The following U2SURP variants were observed in gnomAD, a reference collection of about 807,000 sequenced individuals.
U2SURP encodes U2 snRNP associated SURP domain containing, also known as U2 snRNP-associated SURP motif-containing protein.
U2SURP carries 9 observed loss-of-function variants against 144.9 expected under a neutral mutation model. The ratio of observed to expected loss-of-function variants is 0.06; its 90% CI spans 0.04 to 0.11. The LOEUF is 0.11. Ranked by LOEUF, U2SURP falls within the 10% of genes least tolerant of loss-of-function variation. U2SURP has a pLI of 1.00. For missense variants in U2SURP, 724 were observed against 1,226.7 expected, an observed-to-expected ratio of 0.59 and a Z score of 6.12; for synonymous variants, 408 against 396.8, an observed-to-expected ratio of 1.03 and a Z score of -0.33.
chr3:143,013,981 C>T (rs555348931), intron 3 of U2SURP, among the ~76,000 whole-genome samples: 1 of 152,054 alleles, frequency 6.6e-6, no homozygotes, highest in Non-Finnish European at 1.5e-5. Flanking sequence ...AACTTTTCCC[C>T]AGAAACATCT....
intron 24 of U2SURP, among the ~76,000 whole-genome samples, chr3:143,049,234 C>T (rs1425631711): frequency 6.9e-6 from 1 of 145,306 alleles, no homozygotes; most frequent in African/African-American, 2.6e-5. Flanking sequence ...CCACTGCACT[C>T]CAGTCTGGGC....
At chr3:143,028,693 A>G (rs1473510257) in intron 16 of U2SURP, 47 bp downstream of exon 16, 12 of 1,506,606 alleles carry the variant, frequency 8.0e-6, no homozygotes, top group Non-Finnish European at 9.8e-6. Context: ...AGTAACTGTA[A>G]TGGTTGCTTT....
chr3:143,046,042 T>C (rs1560202181), intron 24 of U2SURP, among the ~76,000 whole-genome samples: 1 of 152,156 alleles, frequency 6.6e-6, no homozygotes, highest in Admixed American at 6.5e-5. Flanking sequence ...AAATTAAGAA[T>C]AAAGTTCTAA....
chr3:143,039,176 A>G (rs1262869674), intron 23 of U2SURP, among the ~76,000 whole-genome samples: 1 of 151,806 alleles, frequency 6.6e-6, no homozygotes, highest in Non-Finnish European at 1.5e-5. Context: ...TGAGTTTTTT[A>G]CGCTAGGTTA....
chr3:143,057,867 T>G lies in U2SURP; in HGVS notation c.*1417T>G, dbSNP rs549272574. On this transcript the variant is annotated 3_prime_UTR_variant, in exon 28 of 28. Coordinates refer to ENST00000473835, the MANE Select transcript of U2SURP (RefSeq NM_001080415.2). ...AGATGTGCACCCATGGTTTGGAGAGTTCCTATATTAGCTGAGCAGTGAGAT... is the reference window on the plus strand; with the variant it reads ...AGATGTGCACCCATGGTTTGGAGAGGTCCTATATTAGCTGAGCAGTGAGAT... 6.6e-6 allele frequency: 1 copy of G among 152,400 alleles called. No individual in the cohort carries two copies. The highest frequency in any genetic ancestry group is 1.9e-4 in the East Asian group (1 of 5,188). 9.4% of individuals were successfully genotyped at this position (152,400 alleles called of 1,614,324 possible).
chr3:143,045,884 G>A (rs1378381240), intron 24 of U2SURP, among the ~76,000 whole-genome samples: 1 of 152,194 alleles, frequency 6.6e-6, no homozygotes, highest in African/African-American at 2.4e-5. Context: ...ATGGAATAAA[G>A]TTCCACAACA....
intron 4 of U2SURP, 118 bp downstream of exon 4, chr3:143,014,527 G>A (rs774709225): frequency 8.0e-5 from 46 of 574,748 alleles, no homozygotes; most frequent in Non-Finnish European, 1.3e-4. Context: ...TCTCAGGTCC[G>A]CCTCTGAGTC....
intron 8 of U2SURP, among the ~76,000 whole-genome samples, chr3:143,020,936 A>G (rs936894674): frequency 3.3e-5 from 5 of 152,218 alleles, no homozygotes; most frequent in African/African-American, 1.2e-4. Context: ...AGTTATGTGC[A>G]ATCCCAACAC....
intron 24 of U2SURP, among the ~76,000 whole-genome samples, chr3:143,050,007 T>G (rs1003406993): frequency 2.0e-5 from 3 of 152,144 alleles, no homozygotes; most frequent in African/African-American, 7.2e-5. Context: ...AATGCTGCAA[T>G]GAATATCTTG....
At chr3:143,014,260 T>C (rs1936255630) in intron 3 of U2SURP, 51 bp from the exon 4 acceptor site, 1 of 1,290,554 alleles carries the variant, frequency 7.7e-7, no homozygotes. Flanking sequence ...GTATTAAAGT[T>C]TTAGATAGCA....
At chr3:143,056,131 T>C (rs1010713891) in intron 27 of U2SURP, among the ~76,000 whole-genome samples, 181 bp from the exon 28 acceptor site, 1 of 152,158 alleles carries the variant, frequency 6.6e-6, no homozygotes, top group African/African-American at 2.4e-5. Context: ...CAGTGCATAG[T>C]AAGTACAAAA....
Position 143,032,848 on chromosome 3 carries a change from G to A in U2SURP, c.1675G>A (p.Ala559Thr). 6.2e-7 allele frequency: 1 copy of A among 1,613,664 alleles called. No homozygotes were observed. Among genetic ancestry groups the A allele is most frequent in the Non-Finnish European group, 8.5e-7 (1 of 1,179,682 alleles). Residue 559 changes from alanine (A) to threonine (T), a missense_variant, in exon 17 of 28, where the codon GCA becomes ACA. Physicochemically the swap from Ala to Thr is moderately conservative, Grantham distance 58 (BLOSUM62 0). Around this residue, in one of 13 missense-constraint regions of U2SURP, gnomAD observed 66 missense variants for 95.0 expected, o/e 0.69. Transcript: ENST00000473835. ...LTPRKNDIGD[A>T]MVFCLNNAEA... ...TCCAAGGAAAAATGATATTGGAGAT[G>A]CAATGGTTTTCTGTCTTAATAATGC...
intron 20 of U2SURP, among the ~76,000 whole-genome samples, chr3:143,036,432 A>T (rs1578149141): frequency 6.6e-6 from 1 of 152,240 alleles, no homozygotes; most frequent in Non-Finnish European, 1.5e-5. Context: ...AGATAGCTAT[A>T]TAAGTAAAAT....
chr3:143,027,729 G>C (rs1933238442), intron 14 of U2SURP, among the ~76,000 whole-genome samples: 1 of 152,100 alleles, frequency 6.6e-6, no homozygotes, highest in African/African-American at 2.4e-5. Context: ...ATATTTCCAA[G>C]AATAAAGTTG....
intron 13 of U2SURP, among the ~76,000 whole-genome samples, chr3:143,024,276 C>G (rs1932997559): frequency 6.6e-6 from 1 of 152,002 alleles, no homozygotes; most frequent in Admixed American, 6.6e-5. Flanking sequence ...TTTATTAGCT[C>G]TGATTTGGAG....
Position 143,048,864 on chromosome 3 carries a change from C to T in U2SURP, c.2545-2075C>T, listed in dbSNP as rs550939269. 4.6e-5 allele frequency among the ~76,000 whole-genome samples: 7 copies of T among 151,150 alleles called. No homozygotes were observed. The East Asian group carries it at 5.8e-4, about 13-fold the overall frequency. On this transcript the variant is annotated intron_variant, in intron 24 of 27. Transcript: ENST00000473835. ...GCACCTGGGTGACAGCGTGAGACACCGTCTCAAAAAATAATTAATTAAAAA... is the reference window on the plus strand; with the variant it reads ...GCACCTGGGTGACAGCGTGAGACACTGTCTCAAAAAATAATTAATTAAAAA...
chr3:143,043,376 C>A, intron 24 of U2SURP, 100 bp downstream of exon 24: 1 of 1,251,860 alleles, frequency 8.0e-7, no homozygotes, highest in Non-Finnish European at 1.1e-6. Flanking sequence ...ACATACTGTT[C>A]CTTCTCTCTG....
intron 3 of U2SURP, among the ~76,000 whole-genome samples, chr3:143,013,419 G>A (rs1169352385): frequency 3.3e-5 from 5 of 152,040 alleles, no homozygotes; most frequent in East Asian, 3.9e-4. Flanking sequence ...AAAATAGTTA[G>A]CAGCAATGTT....
chr3:143,045,657 A>G (rs1431616013), intron 24 of U2SURP, among the ~76,000 whole-genome samples: 1 of 152,232 alleles, frequency 6.6e-6, no homozygotes, highest in Non-Finnish European at 1.5e-5. Context: ...ACATATATGC[A>G]TACATTTCCA....
Sources: gnomAD v4.1 joint callset for allele counts (sites outside exome capture counted in the v4.1 genomes callset) on GRCh38, gnomAD v4.1.1 for gene constraint, gnomAD v4.1.1 regional missense constraint, MANE v1.5 for transcripts, NCBI Gene and HGNC (gene_info 2026-07-23, HGNC 2026-07-21) for gene names.